The following SHLD2 variants were observed in gnomAD, a reference collection of about 807,000 sequenced individuals.
SHLD2 encodes shieldin complex subunit 2.
In SHLD2, 30 loss-of-function variants were observed where a neutral mutation model predicts 73.2. The ratio of observed to expected loss-of-function variants is 0.41; its 90% CI spans 0.31 to 0.56. The LOEUF (loss-of-function observed/expected upper bound fraction) is 0.56. Ranked by LOEUF, SHLD2 falls within the 20% of genes least tolerant of loss-of-function variation. SHLD2 has a pLI of 0.28. For synonymous variants in SHLD2, 285 were observed against 370.1 expected, an observed-to-expected ratio of 0.77 and a Z score of 2.64; for missense variants, 745 against 1,055.9, an observed-to-expected ratio of 0.71 and a Z score of 4.08.
chr10:87,094,704 C>T (rs1841679068), upstream of SHLD2: 2 of 1,499,052 alleles, frequency 1.3e-6, no homozygotes, highest in East Asian at 2.9e-5. This position sits in a 1 kb window ranked among gnomAD's most constrained non-coding sequence, Gnocchi z 6.6. Context: ...AGTCGGCGGA[C>T]GCCGAGCCCA....
chr10:87,175,349 C>A (rs7070662), intron 6 of SHLD2, among the ~76,000 whole-genome samples: 5,595 of 151,322 alleles, frequency 0.037, 335 homozygotes, highest in African/African-American at 0.12. Flanking sequence ...TAAATGATGA[C>A]CGTTCAGGAG....
chr10:87,109,825 T>TA (rs1334476314), intron 2 of SHLD2, among the ~76,000 whole-genome samples: 2 of 152,204 alleles, frequency 1.3e-5, no homozygotes, highest in Non-Finnish European at 2.9e-5. Flanking sequence ...TGGTGATAGT[T>TA]AAAATCACAG....
At chr10:87,175,634 A>G (rs1490812634) in intron 6 of SHLD2, among the ~76,000 whole-genome samples, 1 of 152,078 alleles carries the variant, frequency 6.6e-6, no homozygotes, top group Non-Finnish European at 1.5e-5. Flanking sequence ...CAGTGAGCCG[A>G]GATCACATCA....
chr10:87,189,748 G>A (rs1340524483), intron 9 of SHLD2, among the ~76,000 whole-genome samples: 1 of 152,006 alleles, frequency 6.6e-6, no homozygotes. Context: ...AAGAGTGTAG[G>A]ACAAATGCAA....
intron 2 of SHLD2, among the ~76,000 whole-genome samples, chr10:87,106,807 G>A (rs995376881): frequency 1.3e-5 from 2 of 152,128 alleles, no homozygotes; most frequent in South Asian, 2.1e-4. Context: ...GGGCTAAACT[G>A]GCCTTTATGT....
Position 87,152,706 on chromosome 10 carries a change from C to T in SHLD2, c.1352C>T (p.Pro451Leu), listed in dbSNP as rs1846102113. ...KYNCLVMVLS[P>L]CHVKEINIKF... ...AATTGTTTAGTCATGGTGCTATCTC[C>T]ATGCCATGTGAAGGAAATAAACATA... is the stretch of plus-strand genomic sequence containing the variant. Residue 451 changes from proline to leucine, a missense_variant, in exon 3 of 10, where the codon CCA becomes CTA. By Grantham distance (98) the Pro-to-Leu change is moderately conservative. Coordinates refer to ENST00000298786, the MANE Select transcript of SHLD2 (RefSeq NM_001330112.2). The T allele has an allele frequency of 6.2e-7, 1 of 1,611,658 alleles. No individual in the cohort carries two copies. The highest frequency in any genetic ancestry group is 1.1e-5 in the South Asian group (1 of 90,942).
Position 87,175,956 on chromosome 10 carries a change from T to A in SHLD2, c.2031T>A (p.His677Gln). 5 of 1,550,792 alleles carry A rather than the reference T, an allele frequency of 3.2e-6. No homozygotes were observed. Among genetic ancestry groups the A allele is most frequent in the Non-Finnish European group, 4.4e-6 (5 of 1,146,932 alleles). Residue 677 changes from histidine (H) to glutamine (Q), a missense_variant, in exon 7 of 10, where the codon CAT (histidine) becomes CAA (glutamine). His to Gln is a conservative substitution (Grantham distance 24). Around this residue, in one of 5 missense-constraint regions of SHLD2, gnomAD observed 418 missense variants for 567.8 expected, o/e 0.74. Coordinates refer to ENST00000298786, the MANE Select transcript of SHLD2 (RefSeq NM_001330112.2). ...CNYTLENLEL[H>Q]TTPWSSCECL... ...ACACACTAGAAAACCTAGAATTGCA[T>A]ACAACGCCTTGGTCATCCTGTGAGT...
chr10:87,122,440 A>G (rs990376713), intron 2 of SHLD2, among the ~76,000 whole-genome samples: 45 of 152,028 alleles, frequency 3.0e-4, no homozygotes, highest in African/African-American at 1.0e-3. Context: ...ATTTTGTTTT[A>G]TTGTATGCTT....
chr10:87,189,482 T>C (rs1848884920), intron 9 of SHLD2, among the ~76,000 whole-genome samples: 1 of 152,214 alleles, frequency 6.6e-6, no homozygotes, highest in Admixed American at 6.5e-5. Flanking sequence ...CATCAGACCA[T>C]GCAGACTATT....
At chr10:87,186,325 T>A (rs1247111446) in intron 8 of SHLD2, among the ~76,000 whole-genome samples, 4 of 152,230 alleles carry the variant, frequency 2.6e-5, no homozygotes, top group African/African-American at 4.8e-5. Flanking sequence ...ATTTATTTTT[T>A]AAAAATCAAT....
intron 2 of SHLD2, among the ~76,000 whole-genome samples, chr10:87,147,072 G>GAAAAAAAAAAAAA (rs76041937): frequency 1.0e-5 from 1 of 95,310 alleles, no homozygotes; most frequent in Non-Finnish European, 2.3e-5. Context: ...AAAAAAAAAA[G>GAAAAAAAAAAAAA]AAAAAAAAAA....
chr10:87,108,621 A>G (rs985490026), intron 2 of SHLD2, among the ~76,000 whole-genome samples: 6 of 152,198 alleles, frequency 3.9e-5, no homozygotes, highest in African/African-American at 1.4e-4. Context: ...ATTTCTAAAT[A>G]ACTAAAATTT....
chr10:87,138,946 T>A (rs1473396419), intron 2 of SHLD2, among the ~76,000 whole-genome samples: 2 of 151,886 alleles, frequency 1.3e-5, no homozygotes, highest in African/African-American at 4.8e-5. Context: ...CCCAGGAGAG[T>A]TTGGAGAAGT....
chr10:87,181,988 G>A (rs1364774416), intron 8 of SHLD2, among the ~76,000 whole-genome samples: 9 of 151,800 alleles, frequency 5.9e-5, no homozygotes, highest in African/African-American at 1.7e-4. Context: ...GGCTGGTCTC[G>A]AACTCCTGAC....
At chr10:87,143,689 ATATT>A (rs1446712918) in intron 2 of SHLD2, among the ~76,000 whole-genome samples, 2 of 152,014 alleles carry the variant, frequency 1.3e-5, no homozygotes, top group African/African-American at 2.4e-5. Context: ...CATTAATAGA[ATATT>A]TATTCATGTG....
In SHLD2 at chr10:87,175,992, T is replaced by C. The variant is rs1440720336; in HGVS notation, c.2067T>C (p.Asp689=). The stretch of plus-strand genomic sequence containing the variant: ...GGTCATCCTGTGAGTGCTTGTTTGA[T>C]GATGATATAAGGGCAATTACATTTA... ...TPWSSCECLF[D]DDIRAITFKA... The change falls in exon 7 of 10, where the codon GAT becomes GAC. Residue 689 remains aspartate, a synonymous_variant. Transcript: ENST00000298786. The C allele has an allele frequency of 1.3e-6, 2 of 1,549,928 alleles. No homozygotes were observed. The highest frequency in any genetic ancestry group is 2.7e-5 in the African/African-American group (2 of 72,984).
intron 2 of SHLD2, among the ~76,000 whole-genome samples, chr10:87,127,342 C>G (rs1274402656): frequency 6.6e-6 from 1 of 151,908 alleles, no homozygotes; most frequent in East Asian, 1.9e-4. Context: ...TGCTAACTTG[C>G]CTAGTGAGAG....
chr10:87,159,400 A>G (rs1224762180), intron 4 of SHLD2, among the ~76,000 whole-genome samples: 1 of 152,192 alleles, frequency 6.6e-6, no homozygotes. Context: ...CACTGTGTTT[A>G]CTGTACACTG....
At chr10:87,127,541 C>CCCCCG (rs1554829077) in intron 2 of SHLD2, among the ~76,000 whole-genome samples, 1 of 82,094 alleles carries the variant, frequency 1.2e-5, no homozygotes, top group African/African-American at 4.3e-5. Context: ...CCCCCCCCAC[C>CCCCCG]CCGTCTGCCA....
Sources: allele counts gnomAD v4.1 joint callset (sites outside exome capture counted in the v4.1 genomes callset), GRCh38; gene constraint gnomAD v4.1.1; regional missense constraint gnomAD v4.1.1; non-coding constraint Gnocchi (gnomAD v3.1); transcripts MANE v1.5; gene names NCBI Gene and HGNC (gene_info 2026-07-23, HGNC 2026-07-21).